Variants in PIK3R4 observed in about 807,000 individuals in gnomAD.
PIK3R4 encodes phosphoinositide 3-kinase regulatory subunit 4.
Under a neutral mutation model 136.5 loss-of-function variants are expected in PIK3R4, and 46 were observed. That is an observed-to-expected ratio of 0.34 (90% confidence interval 0.27 to 0.43). The LOEUF is 0.43. Ranked by LOEUF, PIK3R4 falls within the 20% of genes least tolerant of loss-of-function variation. The pLI is 1.00. For missense variants in PIK3R4, 1,331 were observed against 1,649.5 expected (o/e 0.81, Z 3.35); for synonymous variants, 557 against 566.7 (o/e 0.98, Z 0.24).
chr3:130,728,335 G>A (rs1381070975), intron 6 of PIK3R4, 128 bp downstream of exon 6: 7 of 645,712 alleles, frequency 1.1e-5, no homozygotes, highest in Non-Finnish European at 1.6e-5. Context: ...GCAGCATGAA[G>A]ACAGAAATAC....
intron 14 of PIK3R4, among the ~76,000 whole-genome samples, chr3:130,688,971 T>C (rs1296207355): frequency 6.6e-6 from 1 of 152,218 alleles, no homozygotes; most frequent in African/African-American, 2.4e-5. Flanking sequence ...TACTTACAAA[T>C]ATTCTAATTT....
rs73200213 is a variant in PIK3R4 at position 130,725,599 on chromosome 3, A to G, written c.1808-2012T>C. Among the ~76,000 whole-genome samples the G allele has an allele frequency of 4.7e-3, 721 of 151,898 alleles. 2 individuals carry two copies. Among genetic ancestry groups the G allele is most frequent in the Middle Eastern group, 0.02 (6 of 294 alleles). On this transcript the variant is annotated intron_variant, in intron 6 of 19. Coordinates refer to ENST00000356763, the MANE Select transcript of PIK3R4 (RefSeq NM_014602.3). ...ATACAAAAGTAGAAAAAAAAAAATC[A>G]CAAAGCAAAAAGATCGAGTAAACTG...
chr3:130,736,119 T>C (rs2066784475), intron 2 of PIK3R4, 117 bp from the exon 3 acceptor site: 4 of 644,912 alleles, frequency 6.2e-6, no homozygotes, highest in Non-Finnish European at 7.5e-6. Context: ...GTAAATGAAA[T>C]TAAAAATTTT....
intron 2 of PIK3R4, among the ~76,000 whole-genome samples, chr3:130,739,234 G>A (rs1177031559): frequency 2.0e-5 from 3 of 152,072 alleles, no homozygotes; most frequent in Admixed American, 6.5e-5. Flanking sequence ...CTGCCACCGC[G>A]CCCAGCTAAT....
At chr3:130,708,514 T>A in intron 9 of PIK3R4, 22 bp from the exon 10 acceptor site, 1 of 1,577,420 alleles carries the variant, frequency 6.3e-7, no homozygotes, top group East Asian at 2.3e-5. Context: ...TAAAACCATA[T>A]GTTCTAGTTT....
chr3:130,690,443 T>C (rs1328002231), intron 14 of PIK3R4, 47 bp downstream of exon 14: 5 of 1,368,144 alleles, frequency 3.7e-6, no homozygotes, highest in Non-Finnish European at 5.1e-6. Context: ...CTTAAGGTAC[T>C]GTAGTGCACT....
chr3:130,728,926 T>C (rs2066748018), intron 5 of PIK3R4, among the ~76,000 whole-genome samples: 1 of 152,098 alleles, frequency 6.6e-6, no homozygotes, highest in Admixed American at 6.6e-5. Context: ...AGTTACTATC[T>C]CACTAATCAA....
At position 130,734,141 on chromosome 3, in the gene PIK3R4, G is replaced by A. The variant is rs773598542; in HGVS notation, c.868-11C>T. The A allele has an allele frequency of 5.1e-6, 8 of 1,564,032 alleles. No homozygotes were observed. Among genetic ancestry groups the A allele is most frequent in the South Asian group, 2.3e-5 (2 of 85,582 alleles). ...AATCATCTGAGTTACCTATACCAAGGGAAGAAAAGGAATTAAAATAGATTT... is the reference window on the plus strand; with the variant it reads ...AATCATCTGAGTTACCTATACCAAGAGAAGAAAAGGAATTAAAATAGATTT... On this transcript the variant is annotated splice_polypyrimidine_tract_variant and intron_variant, in intron 3 of 19. Coordinates refer to ENST00000356763, the MANE Select transcript of PIK3R4 (RefSeq NM_014602.3).
rs1457965396 is a variant in PIK3R4, at chr3:130,716,056, C to T, written c.2331+340G>A. Among the ~76,000 whole-genome samples the T allele has an allele frequency of 3.3e-5, 5 of 152,146 alleles. No individual in the cohort carries two copies. The East Asian group carries it at 9.6e-4, about 29-fold the overall frequency. On this transcript the variant is annotated intron_variant, in intron 9 of 19. Coordinates refer to ENST00000356763, the MANE Select transcript of PIK3R4 (RefSeq NM_014602.3). ...TGCAATGTTTCTTCCAGCTAAATTT[C>T]ATTACATTTTTGGTAAAACATAGAA... is the stretch of plus-strand genomic sequence containing the variant.
At chr3:130,728,745 A>G (rs1461473271) in intron 5 of PIK3R4, 61 bp from the exon 6 acceptor site, 1 of 1,152,366 alleles carries the variant, frequency 8.7e-7, no homozygotes, top group Admixed American at 2.6e-5. Flanking sequence ...GAAAAGATCA[A>G]TTTTTCCCCA....
rs1009920429 is a variant in PIK3R4, at chr3:130,679,053, T to C, written c.*262A>G. 9.2e-6 allele frequency: 2 copies of C among 218,194 alleles called. No individual in the cohort carries two copies. The highest frequency in any genetic ancestry group is 1.8e-5 in the Non-Finnish European group (2 of 111,886). The allele number at this position is 218,194 out of a possible 1,614,324, so 13.5% of individuals were successfully genotyped here. On this transcript the variant is annotated 3_prime_UTR_variant, in exon 20 of 20. Coordinates refer to ENST00000356763, the MANE Select transcript of PIK3R4 (RefSeq NM_014602.3). ...CAAAATAAACATATTCATTTTCATATTTTACATTTCTCACCTCTATAACAT... is the reference window on the plus strand; with the variant it reads ...CAAAATAAACATATTCATTTTCATACTTTACATTTCTCACCTCTATAACAT...
chr3:130,686,951 A>C (rs1354212507), intron 14 of PIK3R4, among the ~76,000 whole-genome samples: 1 of 152,228 alleles, frequency 6.6e-6, no homozygotes, highest in Non-Finnish European at 1.5e-5. Flanking sequence ...ATTGGGAAAG[A>C]TACCACAGAA....
intron 7 of PIK3R4, 101 bp downstream of exon 7, chr3:130,723,313 C>T: frequency 1.0e-6 from 1 of 983,830 alleles, no homozygotes; most frequent in Non-Finnish European, 1.5e-6. Context: ...GAACCCCACA[C>T]AATCAATAGC....
chr3:130,697,529 T>C lies in PIK3R4; in HGVS notation c.3098+6194A>G, dbSNP rs1468947490. Among the ~76,000 whole-genome samples the C allele has an allele frequency of 2.0e-5, 3 of 152,230 alleles. No homozygotes were observed. The South Asian group carries it at 6.2e-4, about 31-fold the overall frequency. ...CTACCAACTCTGCCTTGTGATTACA[T>C]TTATAAGTTGTGATTGCTCTGAGAA... On this transcript the variant is annotated intron_variant, in intron 13 of 19. Coordinates refer to ENST00000356763, the MANE Select transcript of PIK3R4 (RefSeq NM_014602.3).
At chr3:130,733,455 G>T in intron 4 of PIK3R4, 93 bp downstream of exon 4, 1 of 769,892 alleles carries the variant, frequency 1.3e-6, no homozygotes, top group Non-Finnish European at 2.2e-6. Context: ...GTTCATACTT[G>T]CAATTCTCAA....
intron 5 of PIK3R4, 64 bp downstream of exon 5, chr3:130,730,244 T>C (rs1559829578): frequency 1.5e-6 from 2 of 1,327,862 alleles, no homozygotes; most frequent in Non-Finnish European, 2.1e-6. Flanking sequence ...AATGATAGTT[T>C]TACAAGTTAG....
chr3:130,743,996 G>T (rs72998259), intron 2 of PIK3R4, among the ~76,000 whole-genome samples: 16 of 152,254 alleles, frequency 1.1e-4, no homozygotes, highest in African/African-American at 3.6e-4. Context: ...TCAACTTTCA[G>T]GTTTCAATGT....
At chr3:130,725,307 C>T (rs766010456) in intron 6 of PIK3R4, among the ~76,000 whole-genome samples, 2 of 151,240 alleles carry the variant, frequency 1.3e-5, no homozygotes, top group Non-Finnish European at 3.0e-5. Context: ...AGAAAACTGA[C>T]CTTAACAGAC....
chr3:130,706,463 A>C (rs905293519), intron 11 of PIK3R4, among the ~76,000 whole-genome samples: 2 of 152,214 alleles, frequency 1.3e-5, no homozygotes, highest in Admixed American at 6.6e-5. Context: ...TAATGAATGA[A>C]TATCACTTTC....
Sources: allele counts gnomAD v4.1 joint callset (sites outside exome capture counted in the v4.1 genomes callset), GRCh38; gene constraint gnomAD v4.1.1; transcripts MANE v1.5; gene names NCBI Gene and HGNC (gene_info 2026-07-23, HGNC 2026-07-21).